PLEKHA5: variants seen among roughly 807,000 people sequenced by gnomAD.
The protein encoded by PLEKHA5 is pleckstrin homology domain containing A5.
A neutral mutation model predicts 181.9 loss-of-function variants in PLEKHA5; 55 were observed. The ratio of observed to expected loss-of-function variants is 0.30; its 90% confidence interval spans 0.24 to 0.38. The LOEUF is 0.38. Ranked by LOEUF, PLEKHA5 falls within the 10% of genes least tolerant of loss-of-function variation. The probability of loss-of-function intolerance (pLI) is 1.00; values close to 1 mark genes in which losing one functional copy is unlikely to be tolerated. For missense variants in PLEKHA5, 1,432 were observed against 1,549.5 expected (o/e 0.92, Z 1.27); for synonymous variants, 535 against 529.4 (o/e 1.01, Z -0.15).
intron 15 of PLEKHA5, among the ~76,000 whole-genome samples, chr12:19,309,585 G>T (rs556706340): frequency 1.3e-5 from 2 of 151,850 alleles, no homozygotes; most frequent in Non-Finnish European, 2.9e-5. Context: ...GTGAAACCCC[G>T]TCTTTACTAA....
At position 19,172,683 on chromosome 12, in the gene PLEKHA5, C is replaced by T. The variant is rs139871577; in HGVS notation, c.227+40233C>T. On this transcript the variant is annotated intron_variant, in intron 3 of 31. Coordinates refer to ENST00000429027, the MANE Select transcript of PLEKHA5 (RefSeq NM_001256470.2). ...ACCAGGCACAGTTCTCTTATATATA[C>T]GAACTCATTGGATCTTTGCAGTAAC... 2.9e-3 allele frequency among the ~76,000 whole-genome samples: 446 copies of T among 152,278 alleles called. 4 individuals are homozygous for T. The highest frequency in any genetic ancestry group is 0.01 in the African/African-American group (428 of 41,554).
At chr12:19,230,061 G>T (rs1241050423) in intron 3 of PLEKHA5, among the ~76,000 whole-genome samples, 1 of 151,836 alleles carries the variant, frequency 6.6e-6, no homozygotes, top group African/African-American at 2.4e-5. Context: ...CAGAGTGCTG[G>T]TTGGTGTATT....
chr12:19,247,097 C>T (rs937388047), intron 3 of PLEKHA5, among the ~76,000 whole-genome samples: 6 of 152,120 alleles, frequency 3.9e-5, no homozygotes, highest in Admixed American at 2.6e-4. Context: ...TGTATGTCTC[C>T]TGAGGAGGGA....
chr12:19,347,648 T>C (rs1378340010), intron 24 of PLEKHA5, among the ~76,000 whole-genome samples: 2 of 151,982 alleles, frequency 1.3e-5, no homozygotes, highest in Non-Finnish European at 2.9e-5. Context: ...AAATGGGAAA[T>C]ACGTTTAGGG....
At chr12:19,244,705 C>A (rs1403333926) in intron 3 of PLEKHA5, among the ~76,000 whole-genome samples, 1 of 152,164 alleles carries the variant, frequency 6.6e-6, no homozygotes, top group Non-Finnish European at 1.5e-5. Flanking sequence ...CAACTGAAAT[C>A]TCTTCTGTGG....
chr12:19,302,012 C>T (rs1433938042), intron 15 of PLEKHA5, among the ~76,000 whole-genome samples: 2 of 152,128 alleles, frequency 1.3e-5, no homozygotes, highest in Non-Finnish European at 2.9e-5. Context: ...ACCCTGGGCA[C>T]ATCAAATTCT....
At chr12:19,269,477 C>G (rs1010906173) in intron 8 of PLEKHA5, among the ~76,000 whole-genome samples, 7 of 148,402 alleles carry the variant, frequency 4.7e-5, no homozygotes, top group Middle Eastern at 3.3e-3. Context: ...CTAAGTACTT[C>G]ATTTCTCACC....
chr12:19,197,676 CTGTGTG>C (rs3056412), intron 3 of PLEKHA5, among the ~76,000 whole-genome samples: 15,890 of 110,812 alleles, frequency 0.14, 1,171 homozygotes, highest in East Asian at 0.24. Flanking sequence ...CTATCCGGTG[CTGTGTG>C]TGTGTGTGTG....
At chr12:19,147,596 CTTTTTTTTT>C (rs71064060) in intron 3 of PLEKHA5, among the ~76,000 whole-genome samples, 1 of 137,612 alleles carries the variant, frequency 7.3e-6, no homozygotes, top group African/African-American at 2.6e-5. Context: ...TTTCTTTTTT[CTTTTTTTTT>C]TTTTTTGGCA....
rs199948056 is a variant in PLEKHA5 at position 19,361,652 on chromosome 12, A to T, written c.3554A>T (p.Glu1185Val). The change falls in exon 29 of 32, where the codon GAA becomes GTA. Residue 1185 changes from glutamate to valine, a missense_variant. This residue lies in a region of PLEKHA5 where 1,143 missense variants were observed against 1,168.4 expected (regional missense o/e 0.98). Coordinates refer to ENST00000429027, the MANE Select transcript of PLEKHA5 (RefSeq NM_001256470.2). Reference sequence around the variant, plus strand: ...GAGCCAAATGGAGTAAATTCTGTGGAAATGATGGATAAAGAAAGAAACAAA... The same window carrying T: ...GAGCCAAATGGAGTAAATTCTGTGGTAATGATGGATAAAGAAAGAAACAAA... ...EPEPNGVNSV[E>V]MMDKERNKDK... The T allele has an allele frequency of 6.3e-7, 1 of 1,587,262 alleles. No homozygotes were observed. The highest frequency in any genetic ancestry group is 2.2e-5 in the East Asian group (1 of 44,686).
chr12:19,283,434 T>C lies in PLEKHA5; in HGVS notation c.1468T>C (p.Leu490=). ...SVTPSTHDKT[L]GPGAEEKRRS... The stretch of plus-strand genomic sequence containing the variant: ...AACCCCTTCCACTCATGACAAGACA[T>C]TAGGACCCGGAGCGGAGGAGAAACG... The change falls in exon 12 of 32, where the codon TTA becomes CTA. Residue 490 remains leucine, a synonymous_variant. Coordinates refer to ENST00000429027, the MANE Select transcript of PLEKHA5 (RefSeq NM_001256470.2). The C allele has an allele frequency of 6.2e-7, 1 of 1,613,952 alleles. No homozygotes were observed. The highest frequency in any genetic ancestry group is 1.1e-5 in the South Asian group (1 of 91,072).
At chr12:19,226,019 T>C in intron 3 of PLEKHA5, among the ~76,000 whole-genome samples, 1 of 152,216 alleles carries the variant, frequency 6.6e-6, no homozygotes, top group East Asian at 1.9e-4. Context: ...TCAATTGTGG[T>C]AAAATTCATA....
intron 15 of PLEKHA5, among the ~76,000 whole-genome samples, chr12:19,309,672 G>T (rs1171770093): frequency 6.6e-6 from 1 of 152,146 alleles, no homozygotes; most frequent in Non-Finnish European, 1.5e-5. Flanking sequence ...TTGAACCCGG[G>T]AGGTGGAGGT....
intron 3 of PLEKHA5, chr12:19,150,838 T>C (rs1514831): frequency 0.67 from 101,620 of 152,054 alleles, 37,319 homozygotes; most frequent in Non-Finnish European, 0.83. Context: ...GAAAGACAGA[T>C]GAGCAGGAGA....
chr12:19,149,025 T>C (rs577372066), intron 3 of PLEKHA5, among the ~76,000 whole-genome samples: 2 of 152,316 alleles, frequency 1.3e-5, no homozygotes, highest in South Asian at 2.1e-4. Context: ...TGTGAGTCTT[T>C]ACTGTATATA....
intron 15 of PLEKHA5, among the ~76,000 whole-genome samples, chr12:19,295,413 T>G (rs763505191): frequency 1.3e-5 from 2 of 152,178 alleles, no homozygotes; most frequent in African/African-American, 2.4e-5. Context: ...CCTTGCTGTG[T>G]ACTTGCCAGG....
chr12:19,308,883 A>T lies in PLEKHA5; in HGVS notation c.2038-5931A>T, dbSNP rs144994607. 5.8e-3 allele frequency among the ~76,000 whole-genome samples: 883 copies of T among 152,038 alleles called. 15 individuals carry two copies. Among genetic ancestry groups the T allele is most frequent in the African/African-American group, 0.02 (836 of 41,406 alleles). On this transcript the variant is annotated intron_variant, in intron 15 of 31. Coordinates refer to ENST00000429027, the MANE Select transcript of PLEKHA5 (RefSeq NM_001256470.2). ...GCTAACATGGCGAAACCTTGTCTCT[A>T]CTAAAACACAAACGCACACACACAC...
chr12:19,291,667 C>T lies in PLEKHA5; in HGVS notation c.2007C>T (p.Leu669=). ...AGAATGAAATTCTTTCACATCATCT[C>T]CAAAGGAACACCATATATTTGGATC... ...SPKNEILSHH[L]QRNTIYLDHQ... The change falls in exon 15 of 32, where the codon CTC becomes CTT. Residue 669 remains leucine (L), a synonymous_variant. Coordinates refer to ENST00000429027, the MANE Select transcript of PLEKHA5 (RefSeq NM_001256470.2). The T allele has an allele frequency of 6.6e-7, 1 of 1,518,702 alleles. No individual in the cohort carries two copies. The highest frequency in any genetic ancestry group is 8.8e-7 in the Non-Finnish European group (1 of 1,131,996). 94.1% of individuals were successfully genotyped at this position (1,518,702 alleles called of 1,614,324 possible). A position where few individuals can be genotyped will look rare whatever the true frequency, so the allele number is the denominator to read the frequency against.
chr12:19,197,676 C>CTGTGTGTGTGTG (rs3056412), intron 3 of PLEKHA5, among the ~76,000 whole-genome samples: 15 of 111,024 alleles, frequency 1.4e-4, no homozygotes, highest in South Asian at 3.7e-4. Context: ...CTATCCGGTG[C>CTGTGTGTGTGTG]TGTGTGTGTG....
Sources: allele counts gnomAD v4.1 joint callset (sites outside exome capture counted in the v4.1 genomes callset), GRCh38; gene constraint gnomAD v4.1.1; regional missense constraint gnomAD v4.1.1; transcripts MANE v1.5; gene names NCBI Gene and HGNC (gene_info 2026-07-23, HGNC 2026-07-21).